Variants in ACVR2A observed in about 807,000 individuals in gnomAD.
ACVR2A encodes the protein activin receptor type-2A.
A neutral mutation model predicts 61.4 loss-of-function variants in ACVR2A; 7 were observed. The observed-to-expected ratio is 0.11, with a 90% CI of 0.06 to 0.21. The LOEUF (loss-of-function observed/expected upper bound fraction) is 0.21. ACVR2A is among the 10% of genes least tolerant of loss of function. The probability of loss-of-function intolerance (pLI) is 1.00; values close to 1 mark genes in which losing one functional copy is unlikely to be tolerated. For missense variants in ACVR2A, 322 were observed against 621.7 expected (o/e 0.52, Z 5.13); for synonymous variants, 193 against 208.3 (o/e 0.93, Z 0.63).
intron 6 of ACVR2A, 73 bp from the exon 7 acceptor site, chr2:147,918,374 T>G: frequency 7.4e-7 from 1 of 1,349,844 alleles, no homozygotes; most frequent in Non-Finnish European, 9.9e-7. Flanking sequence ...CTCTTATAGG[T>G]AAAAAGAAAA....
At chr2:147,912,643 A>G (rs1169630095) in intron 4 of ACVR2A, among the ~76,000 whole-genome samples, 1 of 151,946 alleles carries the variant, frequency 6.6e-6, no homozygotes, top group Admixed American at 6.6e-5. Flanking sequence ...CATTTCTACT[A>G]TTATAGGATG....
chr2:147,914,165 T>C (rs118179041), intron 4 of ACVR2A, among the ~76,000 whole-genome samples: 520 of 152,046 alleles, frequency 3.4e-3, no homozygotes, highest in East Asian at 8.3e-3. Context: ...TTTCCAAGTG[T>C]CTGAGGTGCC....
At chr2:147,925,537 A>G (rs1160231179) in intron 9 of ACVR2A, 1 of 151,958 alleles carries the variant, frequency 6.6e-6, no homozygotes, top group Admixed American at 6.6e-5. Context: ...AGTGTAGAGA[A>G]GAGGTATGAC....
At chr2:147,854,258 G>T (rs1265260218) in intron 1 of ACVR2A, among the ~76,000 whole-genome samples, 1 of 152,058 alleles carries the variant, frequency 6.6e-6, no homozygotes, top group Non-Finnish European at 1.5e-5. Context: ...AGTTCTTTAA[G>T]GTCTCACTGT....
chr2:147,871,302 A>C (rs1161229710), intron 1 of ACVR2A, among the ~76,000 whole-genome samples: 1 of 152,098 alleles, frequency 6.6e-6, no homozygotes, highest in Non-Finnish European at 1.5e-5. Context: ...CAATGAGTTA[A>C]TATATTAATA....
intron 1 of ACVR2A, among the ~76,000 whole-genome samples, chr2:147,891,001 A>T (rs1686568979): frequency 6.6e-6 from 1 of 152,164 alleles, no homozygotes; most frequent in African/African-American, 2.4e-5. Context: ...TACCTTAAAA[A>T]ATGGTGGAAA....
chr2:147,855,783 A>T (rs1242345877), intron 1 of ACVR2A, among the ~76,000 whole-genome samples: 1 of 152,012 alleles, frequency 6.6e-6, no homozygotes, highest in Non-Finnish European at 1.5e-5. Context: ...CGCAGACTAG[A>T]GGTTATTGAA....
At chr2:147,855,549 C>T (rs1371066381) in intron 1 of ACVR2A, among the ~76,000 whole-genome samples, 1 of 152,120 alleles carries the variant, frequency 6.6e-6, no homozygotes, top group Non-Finnish European at 1.5e-5. Context: ...CCTGTTGCAT[C>T]AGTGTAAGCT....
intron 1 of ACVR2A, among the ~76,000 whole-genome samples, chr2:147,860,024 A>C (rs1685689787): frequency 6.6e-6 from 1 of 152,198 alleles, no homozygotes; most frequent in Non-Finnish European, 1.5e-5. Context: ...CTTGAGACAA[A>C]GCATTGGCTT....
In ACVR2A at chr2:147,930,538, C is replaced by T. The variant is rs1573724203; in HGVS notation, c.*3264C>T. The T allele has an allele frequency of 6.6e-6, 1 of 152,536 alleles. No homozygotes were observed. The highest frequency in any genetic ancestry group is 1.9e-4 in the East Asian group (1 of 5,180). 9.4% of individuals were successfully genotyped at this position (152,536 alleles called of 1,614,324 possible). On this transcript the variant is annotated 3_prime_UTR_variant, in exon 11 of 11. Coordinates refer to ENST00000241416, the MANE Select transcript of ACVR2A (RefSeq NM_001616.5). Reference sequence around the variant, plus strand: ...TTGAACATCATTTACCTCAGATATTCAACCAGCAGTACGTTTTTTATGCAG... The same window carrying T: ...TTGAACATCATTTACCTCAGATATTTAACCAGCAGTACGTTTTTTATGCAG...
At position 147,890,702 on chromosome 2, in the gene ACVR2A, C is replaced by T. The variant is rs192321083; in HGVS notation, c.56-5599C>T. ...CAGAAAATTTTAAATTGGGAGATGT[C>T]GTTAAAACTTAATATACATAAATAA... On this transcript the variant is annotated intron_variant, in intron 1 of 10. Coordinates refer to ENST00000241416, the MANE Select transcript of ACVR2A (RefSeq NM_001616.5). 1.1e-3 allele frequency among the ~76,000 whole-genome samples: 169 copies of T among 152,120 alleles called. 1 individual carries two copies. Among genetic ancestry groups the T allele is most frequent in the South Asian group, 3.3e-3 (16 of 4,810 alleles).
At chr2:147,870,451 A>C (rs1269067312) in intron 1 of ACVR2A, among the ~76,000 whole-genome samples, 1 of 152,014 alleles carries the variant, frequency 6.6e-6, no homozygotes, top group Non-Finnish European at 1.5e-5. Flanking sequence ...TTCTTGTTAG[A>C]GTGTTTGAGT....
chr2:147,895,797 G>A (rs1007704716), intron 1 of ACVR2A, among the ~76,000 whole-genome samples: 3 of 152,052 alleles, frequency 2.0e-5, no homozygotes, highest in African/African-American at 7.2e-5. Flanking sequence ...TGTGTTAATC[G>A]ACTGTTGATG....
intron 1 of ACVR2A, among the ~76,000 whole-genome samples, chr2:147,870,906 T>A (rs537605463): frequency 2.1e-5 from 3 of 142,198 alleles, no homozygotes; most frequent in African/African-American, 4.9e-5. Context: ...AAGCCTTTTT[T>A]AATTAATCTT....
chr2:147,922,833 G>T (rs1174858670), intron 8 of ACVR2A, 140 bp from the exon 9 acceptor site: 2 of 746,446 alleles, frequency 2.7e-6, no homozygotes, highest in East Asian at 2.7e-5. Context: ...ACGCAGAAAG[G>T]ATCTTTCTAT....
At chr2:147,892,914 C>T (rs1366922658) in intron 1 of ACVR2A, among the ~76,000 whole-genome samples, 1 of 151,526 alleles carries the variant, frequency 6.6e-6, no homozygotes, top group African/African-American at 2.4e-5. Flanking sequence ...GTTTTATTTA[C>T]ATAGAATAAA....
intron 2 of ACVR2A, chr2:147,896,907 T>C (rs1035332320): frequency 6.3e-6 from 1 of 159,902 alleles, no homozygotes; most frequent in Non-Finnish European, 1.4e-5. Flanking sequence ...TTTCTTTCAG[T>C]TTCCTTCTTT....
intron 1 of ACVR2A, among the ~76,000 whole-genome samples, chr2:147,888,681 C>CTTTTT (rs1156497786): frequency 7.3e-6 from 1 of 136,758 alleles, no homozygotes; most frequent in African/African-American, 2.7e-5. Flanking sequence ...GCTGCTGCTT[C>CTTTTT]TTTTTTTTTT....
At chr2:147,905,493 C>T (rs1339207266) in intron 4 of ACVR2A, among the ~76,000 whole-genome samples, 1 of 151,554 alleles carries the variant, frequency 6.6e-6, no homozygotes, top group Non-Finnish European at 1.5e-5. Context: ...ATATTTGCAA[C>T]TGTATTGTTT....
Sources: gnomAD v4.1 joint callset for allele counts (sites outside exome capture counted in the v4.1 genomes callset) on GRCh38, gnomAD v4.1.1 for gene constraint, MANE v1.5 for transcripts, NCBI Gene and HGNC (gene_info 2026-07-23, HGNC 2026-07-21) for gene names.